Variants in PRRT4 observed in about 807,000 individuals in gnomAD.
PRRT4 encodes the protein proline rich transmembrane protein 4.
Under a neutral mutation model 55.6 loss-of-function variants are expected in PRRT4, and 59 were observed. That is an observed-to-expected ratio of 1.06 (90% confidence interval 0.86 to 1.32). The LOEUF is 1.32. PRRT4 is among the 40% of genes most tolerant of loss of function. The probability of loss-of-function intolerance (pLI) is 0.00; values close to 1 mark genes in which losing one functional copy is unlikely to be tolerated. For missense variants in PRRT4, 1,217 were observed against 1,222.0 expected, an observed-to-expected ratio of 1.00 and a Z score of 0.06; for synonymous variants, 606 against 601.8, an observed-to-expected ratio of 1.01 and a Z score of -0.10.
chr7:128,359,341 A>C, exon 2 of PRRT4: 8 of 1,485,532 alleles, frequency 5.4e-6, no homozygotes, highest in Non-Finnish European at 7.1e-6. Flanking sequence ...GTTACTCACC[A>C]AAGGGTCCCA....
At chr7:128,359,902 T>C (rs1290725140) in exon 2 of PRRT4, 4 of 1,448,528 alleles carry the variant, frequency 2.8e-6, no homozygotes, top group Non-Finnish European at 3.7e-6. Flanking sequence ...CAGGGGCACC[T>C]GGGATGGAGG....
At chr7:128,359,005 T>G (rs1165752815) in intron 3 of PRRT4, 144 bp downstream of exon 4, 4 of 1,176,874 alleles carry the variant, frequency 3.4e-6, no homozygotes, top group Non-Finnish European at 4.8e-6. Context: ...GAATACTCCT[T>G]CCGTGGAAGT....
At chr7:128,352,232 G>A (rs1797001197) in exon 5 of PRRT4, 3 of 1,538,170 alleles carry the variant, frequency 2.0e-6, no homozygotes. Context: ...GCCAAGCAGG[G>A]CAGCGGAAGG....
At chr7:128,351,068 G>A (rs1316186774) in exon 5 of PRRT4, 1 of 1,549,072 alleles carries the variant, frequency 6.5e-7, no homozygotes, top group Admixed American at 2.0e-5. Context: ...ACGCAGACCA[G>A]AGGGCAGCGC....
chr7:128,352,562 G>C, exon 5 of PRRT4: 1 of 1,544,724 alleles, frequency 6.5e-7, no homozygotes. Context: ...TGCCCCTCGC[G>C]TTCAGGCAAT....
At chr7:128,354,045 G>A (rs1025687690) in intron 4 of PRRT4, among the ~76,000 whole-genome samples, 2 of 152,224 alleles carry the variant, frequency 1.3e-5, no homozygotes, top group Non-Finnish European at 2.9e-5. Context: ...CAGGACCGCA[G>A]CCACAGGCAA....
exon 5 of PRRT4, chr7:128,352,020 C>T: frequency 7.6e-7 from 1 of 1,312,294 alleles, no homozygotes; most frequent in Non-Finnish European, 9.7e-7. Context: ...GCGCCAGCAG[C>T]AGCCCGGAAA....
chr7:128,353,789 C>A (rs1435413695), intron 4 of PRRT4, among the ~76,000 whole-genome samples: 2 of 152,194 alleles, frequency 1.3e-5, no homozygotes, highest in Admixed American at 1.3e-4. Flanking sequence ...AGTAAGTGAG[C>A]CCCTCAGTTG....
exon 5 of PRRT4, chr7:128,350,996 C>A (rs1235362089): frequency 1.9e-6 from 3 of 1,550,678 alleles, no homozygotes; most frequent in Non-Finnish European, 2.6e-6. Context: ...GGGGACAGGG[C>A]CTGGTAGGAT....
chr7:128,360,156 G>C, intron 1 of PRRT4, 93 bp from the exon 3 acceptor site: 1 of 499,314 alleles, frequency 2.0e-6, no homozygotes, highest in East Asian at 3.5e-5. Context: ...TCTGATCTCA[G>C]AGAAGCAGGT....
chr7:128,350,812 C>T, downstream of PRRT4: 1 of 1,538,258 alleles, frequency 6.5e-7, no homozygotes. Flanking sequence ...GCAGGGCAGG[C>T]GCCAGAAAGG....
At chr7:128,351,548 C>G (rs563477339) in exon 5 of PRRT4, 8 of 1,483,528 alleles carry the variant, frequency 5.4e-6, no homozygotes, top group Non-Finnish European at 4.5e-6. Context: ...TCCGCGTCCC[C>G]GCGAGCGATG....
exon 2 of PRRT4, chr7:128,359,566 G>A: frequency 1.3e-6 from 2 of 1,495,916 alleles, no homozygotes; most frequent in African/African-American, 1.4e-5. Flanking sequence ...AGGGGGCAGT[G>A]GGCCCATCGC....
At position 128,359,792 on chromosome 7, in the gene PRRT4, C is replaced by T. The variant is rs1477940077; in HGVS notation, c.200G>A (p.Trp67Ter). 1.6e-5 allele frequency: 24 copies of T among 1,534,476 alleles called. No homozygotes were observed. Among genetic ancestry groups the T allele is most frequent in the Middle Eastern group, 1.7e-4 (1 of 5,900 alleles). The change falls in exon 2 of 5, where the codon TGG becomes TAG. Residue 67 changes from tryptophan to a stop codon, truncating the protein, a stop_gained. Transcript: ENST00000535159. LOFTEE classifies it high-confidence loss of function. ...CTGGGTCTCTGTGACTGGGCTCCCC[C>T]AGACAGCAGCAGGTCCCCGAAGATG...
exon 5 of PRRT4, chr7:128,351,892 C>A (rs1451098233): frequency 1.5e-6 from 2 of 1,324,600 alleles, no homozygotes; most frequent in Non-Finnish European, 1.9e-6. Flanking sequence ...CGCCGCGCGC[C>A]GCCAGGACTC....
chr7:128,352,594 G>T (rs1003387513), exon 5 of PRRT4: 2 of 1,543,922 alleles, frequency 1.3e-6, no homozygotes, highest in Non-Finnish European at 1.7e-6. Flanking sequence ...GCAGGACCCT[G>T]GCCCACACTC....
At chr7:128,359,508 T>A (rs1797191500) in exon 2 of PRRT4, 1 of 1,468,906 alleles carries the variant, frequency 6.8e-7, no homozygotes, top group South Asian at 1.4e-5. Flanking sequence ...GGAAGTGCTG[T>A]CACCATCAGA....
At chr7:128,351,469 C>A in exon 5 of PRRT4, 1 of 1,520,472 alleles carries the variant, frequency 6.6e-7, no homozygotes, top group Non-Finnish European at 8.8e-7. Context: ...GCCTTCGAAG[C>A]CCCGGCAACC....
In PRRT4 at chr7:128,358,275, C is replaced by T. The variant is rs1385293627; in HGVS notation, c.877+406G>A. On this transcript the variant is annotated intron_variant, in intron 4 of 4. Transcript: ENST00000535159. This position sits in a 1 kb window ranked among gnomAD's most constrained non-coding sequence, Gnocchi z 4.4. ...TCCCAATGAGAAACCCAGCTCTTCCCATATCTGACAGCATGTCATGTCAGA... is the reference window on the plus strand; with the variant it reads ...TCCCAATGAGAAACCCAGCTCTTCCTATATCTGACAGCATGTCATGTCAGA... Among the ~76,000 whole-genome samples, 2 of 152,218 alleles carry T rather than the reference C, an allele frequency of 1.3e-5. No homozygotes were observed. The highest frequency in any genetic ancestry group is 2.1e-4 in the South Asian group (1 of 4,832).
Sources: gnomAD v4.1 joint callset for allele counts (sites outside exome capture counted in the v4.1 genomes callset) on GRCh38, gnomAD v4.1.1 for gene constraint, Gnocchi (gnomAD v3.1) non-coding constraint, MANE v1.5 for transcripts, NCBI Gene and HGNC (gene_info 2026-07-23, HGNC 2026-07-21) for gene names.